The following DKK2 variants were observed in gnomAD, a reference collection of about 807,000 sequenced individuals.
DKK2 encodes dickkopf Wnt signaling pathway inhibitor 2, also known as dickkopf-related protein 2.
A neutral mutation model predicts 28.1 loss-of-function variants in DKK2; 11 were observed. The ratio of observed to expected loss-of-function variants is 0.39; its 90% CI spans 0.25 to 0.65. The LOEUF (loss-of-function observed/expected upper bound fraction) is 0.65. Among genes scored for constraint, DKK2 ranks in the 30% least tolerant of loss-of-function variants. The probability of loss-of-function intolerance (pLI) is 0.47; values close to 1 mark genes in which losing one functional copy is unlikely to be tolerated. For synonymous variants in DKK2, 135 were observed against 126.5 expected, an observed-to-expected ratio of 1.07 and a Z score of -0.45; for missense variants, 326 against 335.5, an observed-to-expected ratio of 0.97 and a Z score of 0.22.
chr4:106,974,955 G>T (rs1453603287), intron 1 of DKK2, among the ~76,000 whole-genome samples: 2 of 152,032 alleles, frequency 1.3e-5, no homozygotes, highest in Non-Finnish European at 2.9e-5. Flanking sequence ...GTATAAAGGG[G>T]TGTTGAATTT....
chr4:107,025,559 A>T (rs895302107), intron 1 of DKK2, among the ~76,000 whole-genome samples: 1 of 152,168 alleles, frequency 6.6e-6, no homozygotes, highest in African/African-American at 2.4e-5. Context: ...CCTAGTTAGC[A>T]CTTGGAAAAA....
At chr4:106,974,621 T>C (rs1722915899) in intron 1 of DKK2, among the ~76,000 whole-genome samples, 1 of 152,234 alleles carries the variant, frequency 6.6e-6, no homozygotes, top group South Asian at 2.1e-4. Context: ...CAGTTGCTTA[T>C]CAGCTTAAGG....
At chr4:106,943,169 G>T (rs1724726461) in intron 1 of DKK2, among the ~76,000 whole-genome samples, 1 of 152,092 alleles carries the variant, frequency 6.6e-6, no homozygotes, top group African/African-American at 2.4e-5. Flanking sequence ...GACCACCCCA[G>T]ATAAGCTTGA....
chr4:106,933,292 T>G (rs1159156675), intron 1 of DKK2, among the ~76,000 whole-genome samples: 1 of 152,228 alleles, frequency 6.6e-6, no homozygotes, highest in Non-Finnish European at 1.5e-5. Context: ...TACCTCCAGA[T>G]AGACATGGGT....
chr4:106,925,858 C>A lies in DKK2; in HGVS notation c.314G>T (p.Arg105Ile). 6.2e-7 allele frequency: 1 copy of A among 1,608,374 alleles called. No individual in the cohort carries two copies. The highest frequency in any genetic ancestry group is 8.5e-7 in the Non-Finnish European group (1 of 1,177,418). Reference protein sequence around the residue: ...QGSSACMVCRRKKKRCHRDGM... With the variant: ...QGSSACMVCRIKKKRCHRDGM... ...ATCTCGGTGGCAGCGCTTCTTTTTTCTCCGACACACCATGCAGGCCGATGA... is the reference window on the plus strand; with the variant it reads ...ATCTCGGTGGCAGCGCTTCTTTTTTATCCGACACACCATGCAGGCCGATGA... Residue 105 changes from arginine to isoleucine, a missense_variant, in exon 2 of 4, where the codon AGA becomes ATA. Arg to Ile is a moderately conservative substitution (Grantham distance 97). Coordinates refer to ENST00000285311, the MANE Select transcript of DKK2 (RefSeq NM_014421.3).
intron 1 of DKK2, among the ~76,000 whole-genome samples, chr4:106,934,575 T>A (rs948933038): frequency 6.6e-6 from 1 of 152,192 alleles, no homozygotes; most frequent in African/African-American, 2.4e-5. Flanking sequence ...TAACAATTAT[T>A]TAATTGAGCT....
chr4:106,964,946 T>TATAG (rs1220246204), intron 1 of DKK2, among the ~76,000 whole-genome samples: 1,587 of 146,898 alleles, frequency 0.011, 18 homozygotes, highest in South Asian at 0.017. Flanking sequence ...ATAGATTAGA[T>TATAG]ATAGATAGAT....
chr4:106,993,487 T>C (rs979802269), intron 1 of DKK2, among the ~76,000 whole-genome samples: 10 of 152,280 alleles, frequency 6.6e-5, no homozygotes, highest in African/African-American at 2.4e-4. Flanking sequence ...AACTAACAGG[T>C]ATTTAGTAAA....
chr4:106,976,855 A>G (rs1051074745), intron 1 of DKK2, among the ~76,000 whole-genome samples: 1 of 152,106 alleles, frequency 6.6e-6, no homozygotes, highest in African/African-American at 2.4e-5. Context: ...ACAATTTGGT[A>G]TGTTTTTGTA....
At chr4:106,996,031 C>G (rs1350316447) in intron 1 of DKK2, among the ~76,000 whole-genome samples, 7 of 152,088 alleles carry the variant, frequency 4.6e-5, no homozygotes, top group Non-Finnish European at 8.8e-5. Flanking sequence ...TTCTGTGATA[C>G]TGAGAGATCA....
intron 1 of DKK2, among the ~76,000 whole-genome samples, chr4:107,016,413 T>C (rs1258575247): frequency 6.6e-6 from 1 of 151,946 alleles, no homozygotes; most frequent in African/African-American, 2.4e-5. Context: ...ACCAATTCTT[T>C]TTAATGTTCT....
At chr4:106,980,568 T>A (rs980295890) in intron 1 of DKK2, among the ~76,000 whole-genome samples, 1 of 152,144 alleles carries the variant, frequency 6.6e-6, no homozygotes, top group Non-Finnish European at 1.5e-5. Context: ...CTGTGAGAAT[T>A]TTCTTTGTTT....
In DKK2 at chr4:106,996,805, A is replaced by G. The variant is rs114438466; in HGVS notation, c.222+38565T>C. Among the ~76,000 whole-genome samples the G allele has an allele frequency of 5.2e-3, 792 of 152,328 alleles. 9 individuals are homozygous for G. The highest frequency in any genetic ancestry group is 0.018 in the African/African-American group (757 of 41,556). Reference sequence around the variant, plus strand: ...TAGCCTTTCTTGATAGGCCAAGGATAACTCTGAAAACCTAATTTTAGTTTG... The same window carrying G: ...TAGCCTTTCTTGATAGGCCAAGGATGACTCTGAAAACCTAATTTTAGTTTG... On this transcript the variant is annotated intron_variant, in intron 1 of 3. Coordinates refer to ENST00000285311, the MANE Select transcript of DKK2 (RefSeq NM_014421.3).
chr4:106,929,491 A>G (rs1448357805), intron 1 of DKK2, among the ~76,000 whole-genome samples: 2 of 152,338 alleles, frequency 1.3e-5, no homozygotes, highest in East Asian at 3.9e-4. Flanking sequence ...AGTTATAATT[A>G]GGAGATGAAT....
chr4:106,970,344 T>A (rs1032212549), intron 1 of DKK2, among the ~76,000 whole-genome samples: 3 of 152,076 alleles, frequency 2.0e-5, no homozygotes, highest in Admixed American at 2.0e-4. Context: ...AAGAGAGTAA[T>A]GGTTACCTAT....
At chr4:106,926,790 T>G (rs903270163) in intron 1 of DKK2, among the ~76,000 whole-genome samples, 1 of 152,072 alleles carries the variant, frequency 6.6e-6, no homozygotes, top group Non-Finnish European at 1.5e-5. Context: ...AAAATACATG[T>G]GAAATAATAC....
chr4:106,967,363 T>C (rs1298117528), intron 1 of DKK2, among the ~76,000 whole-genome samples: 1 of 152,068 alleles, frequency 6.6e-6, no homozygotes, highest in Admixed American at 6.6e-5. Context: ...CAGCTAAACC[T>C]GAAGGATACC....
At chr4:106,972,520 T>A (rs1722883522) in intron 1 of DKK2, among the ~76,000 whole-genome samples, 1 of 152,196 alleles carries the variant, frequency 6.6e-6, no homozygotes, top group Admixed American at 6.6e-5. Flanking sequence ...AGAGCTTGTT[T>A]TATTGTTATA....
At chr4:107,019,576 T>C (rs1201846388) in intron 1 of DKK2, among the ~76,000 whole-genome samples, 1 of 152,106 alleles carries the variant, frequency 6.6e-6, no homozygotes, top group Non-Finnish European at 1.5e-5. Context: ...GTCACATTAA[T>C]GCTGTATGTA....
Sources: allele counts gnomAD v4.1 joint callset (sites outside exome capture counted in the v4.1 genomes callset), GRCh38; gene constraint gnomAD v4.1.1; transcripts MANE v1.5; gene names NCBI Gene and HGNC (gene_info 2026-07-23, HGNC 2026-07-21).